KCNA2: variants seen among roughly 807,000 people sequenced by gnomAD.
KCNA2 encodes potassium channel, voltage gated shaker related subfamily A, member 2.
KCNA2 carries 11 observed loss-of-function variants against 33.4 expected under a neutral mutation model. That is an observed-to-expected ratio of 0.33 (90% CI 0.21 to 0.55). KCNA2 has a LOEUF of 0.55. Ranked by LOEUF, KCNA2 falls within the 20% of genes least tolerant of loss-of-function variation. The probability of loss-of-function intolerance (pLI) is 0.93; values close to 1 mark genes in which losing one functional copy is unlikely to be tolerated. For missense variants in KCNA2, 291 were observed against 621.6 expected (o/e 0.47, Z 5.66); for synonymous variants, 222 against 231.3 (o/e 0.96, Z 0.37).
Position 110,598,578 on chromosome 1 carries a change from C to A in KCNA2, c.*4705G>T. On this transcript the variant is annotated 3_prime_UTR_variant, in exon 3 of 3. Coordinates refer to ENST00000316361, the MANE Select transcript of KCNA2 (RefSeq NM_004974.4). Reference sequence around the variant, plus strand: ...AGTCCTGGGCCCTCCCAACACGGAGCAGCAACATGAACACCCAGGCTGGGG... The same window carrying A: ...AGTCCTGGGCCCTCCCAACACGGAGAAGCAACATGAACACCCAGGCTGGGG... 10 of 985,406 alleles carry A rather than the reference C, an allele frequency of 1.0e-5. No individual in the cohort carries two copies. Among genetic ancestry groups the A allele is most frequent in the Non-Finnish European group, 1.2e-5 (10 of 829,972 alleles). 61.0% of individuals were successfully genotyped at this position (985,406 alleles called of 1,614,324 possible).
rs553325855 is a variant in KCNA2 at position 110,611,415 on chromosome 1, C to T, written c.-495-5693G>A. ...ATGAGCTGCTACACACTCATCCCAC[C>T]GCAATACTGGCTAAATAAAAGAATA... On this transcript the variant is annotated intron_variant, in intron 1 of 4. Transcript: ENST00000369770. 6.6e-5 allele frequency among the ~76,000 whole-genome samples: 10 copies of T among 152,304 alleles called. No homozygotes were observed. The East Asian group carries it at 7.7e-4, about 12-fold the overall frequency.
At chr1:110,608,638 A>G (rs1473491153), upstream of KCNA2, among the ~76,000 whole-genome samples, 1 of 152,190 alleles carries the variant, frequency 6.6e-6, no homozygotes, top group Non-Finnish European at 1.5e-5. Context: ...CCGTGGGCCC[A>G]AAGGATGACA....
In KCNA2 at chr1:110,604,816, C is replaced by T. The variant is rs1649527374; in HGVS notation, c.-34G>A. 6.4e-7 allele frequency: 1 copy of T among 1,566,978 alleles called. No homozygotes were observed. The highest frequency in any genetic ancestry group is 1.2e-5 in the South Asian group (1 of 83,428). On this transcript the variant is annotated 5_prime_UTR_variant, in exon 3 of 3. Coordinates refer to ENST00000316361, the MANE Select transcript of KCNA2 (RefSeq NM_004974.4). This position sits in a 1 kb window ranked among gnomAD's most constrained non-coding sequence, Gnocchi z 7.6. ...CTGAGAGAAGCACCTCACGCTATGCCTTTCAGCTGCCTGGTGGCAGGGAGC... is the reference window on the plus strand; with the variant it reads ...CTGAGAGAAGCACCTCACGCTATGCTTTTCAGCTGCCTGGTGGCAGGGAGC...
In KCNA2 at chr1:110,600,789, C is replaced by A. The variant is rs1649304874; in HGVS notation, c.*2494G>T. 1.0e-6 allele frequency: 1 copy of A among 985,302 alleles called. No homozygotes were observed. 61.0% of individuals were successfully genotyped at this position (985,302 alleles called of 1,614,324 possible). A position where few individuals can be genotyped will look rare whatever the true frequency, so the allele number is the denominator to read the frequency against. On this transcript the variant is annotated 3_prime_UTR_variant, in exon 3 of 3. Transcript: ENST00000316361. ...AAGGAGAGGAAGAGAAGCACAGAGG[C>A]TTTGTGCTGGGCATGGGATGCCCTG... is the stretch of plus-strand genomic sequence containing the variant.
Position 110,600,180 on chromosome 1 carries a change from C to G in KCNA2, c.*3103G>C. On this transcript the variant is annotated 3_prime_UTR_variant, in exon 3 of 3. Transcript: ENST00000316361. ...TAGCTCTGGGGGCAGGGCAATGGGT[C>G]TGAGTATATGTCTGCATTTCATGTG... is the stretch of plus-strand genomic sequence containing the variant. 1.0e-6 allele frequency: 1 copy of G among 983,314 alleles called. No individual in the cohort carries two copies. Among genetic ancestry groups the G allele is most frequent in the East Asian group, 1.1e-4 (1 of 8,748 alleles). The allele number at this position is 983,314 out of a possible 1,614,324, so 60.9% of individuals were successfully genotyped here. A position where few individuals can be genotyped will look rare whatever the true frequency, so the allele number is the denominator to read the frequency against.
rs1649089152 is a variant in KCNA2 at position 110,596,154 on chromosome 1, A to C, written c.*7129T>G. The C allele has an allele frequency of 2.0e-6, 2 of 985,132 alleles. No individual in the cohort carries two copies. The highest frequency in any genetic ancestry group is 3.5e-5 in the African/African-American group (2 of 57,178). The allele number at this position is 985,132 out of a possible 1,614,324, so 61.0% of individuals were successfully genotyped here. ...AGATCTGCCTTCTAGAGAGGTCCCT[A>C]AGCAGAAAAAAAAAGAGTAGAACTG... On this transcript the variant is annotated 3_prime_UTR_variant, in exon 3 of 3. Coordinates refer to ENST00000316361, the MANE Select transcript of KCNA2 (RefSeq NM_004974.4).
chr1:110,630,900 G>A (rs1209074627), intron 1 of KCNA2, among the ~76,000 whole-genome samples: 1 of 152,160 alleles, frequency 6.6e-6, no homozygotes, highest in Non-Finnish European at 1.5e-5. Flanking sequence ...CAGGCAGCCA[G>A]CCCCGGAACC....
At position 110,596,738 on chromosome 1, in the gene KCNA2, C is replaced by G; in HGVS notation, c.*6545G>C. The G allele has an allele frequency of 1.0e-6, 1 of 985,402 alleles. No homozygotes were observed. Among genetic ancestry groups the G allele is most frequent in the South Asian group, 4.7e-5 (1 of 21,286 alleles). The allele number at this position is 985,402 out of a possible 1,614,324, so 61.0% of individuals were successfully genotyped here. ...AAAGGTTGAACCAGACATGCTTTCC[C>G]ATTCCCACTCAAATAACCAAAATTG... On this transcript the variant is annotated 3_prime_UTR_variant, in exon 3 of 3. Coordinates refer to ENST00000316361, the MANE Select transcript of KCNA2 (RefSeq NM_004974.4).
upstream of KCNA2, among the ~76,000 whole-genome samples, chr1:110,608,810 C>T (rs1316258789): frequency 1.3e-5 from 2 of 152,166 alleles, no homozygotes. Context: ...GCACCAGTGC[C>T]CTCCTCTGAA....
In KCNA2 at chr1:110,594,300, T is replaced by TAC. The variant is rs1396321873; in HGVS notation, c.*8982_*8983insGT. 6.6e-5 allele frequency: 60 copies of TAC among 906,436 alleles called. No individual in the cohort carries two copies. Among genetic ancestry groups the TAC allele is most frequent in the Admixed American group, 1.3e-4 (2 of 15,178 alleles). The allele number at this position is 906,436 out of a possible 1,614,324, so 56.1% of individuals were successfully genotyped here. A position where few individuals can be genotyped will look rare whatever the true frequency, so the allele number is the denominator to read the frequency against. Reference sequence around the variant, plus strand: ...TCCTCTCTCTCTCTCTCTCTATATATATATATACATATATATATATATGTG... The same window carrying TAC: ...TCCTCTCTCTCTCTCTCTCTATATATACATATATACATATATATATATATGTG... On this transcript the variant is annotated 3_prime_UTR_variant, in exon 3 of 3. Coordinates refer to ENST00000316361, the MANE Select transcript of KCNA2 (RefSeq NM_004974.4).
intron 1 of KCNA2, among the ~76,000 whole-genome samples, chr1:110,616,796 G>A (rs1650081250): frequency 6.6e-6 from 1 of 152,254 alleles, no homozygotes. Context: ...ATCGAGCCAA[G>A]CACTGTGGGG....
chr1:110,630,328 T>G (rs1650519427), intron 1 of KCNA2, among the ~76,000 whole-genome samples: 1 of 152,234 alleles, frequency 6.6e-6, no homozygotes, highest in South Asian at 2.1e-4. Context: ...GCCAGTGCTC[T>G]GTACTTTTTC....
At position 110,597,730 on chromosome 1, in the gene KCNA2, T is replaced by C; in HGVS notation, c.*5553A>G. On this transcript the variant is annotated 3_prime_UTR_variant, in exon 3 of 3. Transcript: ENST00000316361. ...TATCTGATAATCCAGGTACTATCTATCACTTTTCAGTCCTGAGAGCAAGAT... is the reference window on the plus strand; with the variant it reads ...TATCTGATAATCCAGGTACTATCTACCACTTTTCAGTCCTGAGAGCAAGAT... 1.0e-6 allele frequency: 1 copy of C among 985,396 alleles called. No homozygotes were observed. The highest frequency in any genetic ancestry group is 1.2e-6 in the Non-Finnish European group (1 of 829,888). 61.0% of individuals were successfully genotyped at this position (985,396 alleles called of 1,614,324 possible). A position where few individuals can be genotyped will look rare whatever the true frequency, so the allele number is the denominator to read the frequency against.
In KCNA2 at chr1:110,598,555, T is replaced by C. The variant is rs1649200356; in HGVS notation, c.*4728A>G. 2 of 985,216 alleles carry C rather than the reference T, an allele frequency of 2.0e-6. No homozygotes were observed. The allele number at this position is 985,216 out of a possible 1,614,324, so 61.0% of individuals were successfully genotyped here. A position where few individuals can be genotyped will look rare whatever the true frequency, so the allele number is the denominator to read the frequency against. On this transcript the variant is annotated 3_prime_UTR_variant, in exon 3 of 3. Coordinates refer to ENST00000316361, the MANE Select transcript of KCNA2 (RefSeq NM_004974.4). Reference sequence around the variant, plus strand: ...AGGAAGAATAGGTAGAACAAGCTAGTCCTGGGCCCTCCCAACACGGAGCAG... The same window carrying C: ...AGGAAGAATAGGTAGAACAAGCTAGCCCTGGGCCCTCCCAACACGGAGCAG...
rs567048531 is a variant in KCNA2 at position 110,626,177 on chromosome 1, T to C, written c.-496+5218A>G. On this transcript the variant is annotated intron_variant, in intron 1 of 4. Coordinates refer to the KCNA2 transcript ENST00000369770. The stretch of plus-strand genomic sequence containing the variant: ...TCATTCATTGCTGCATGATCTGTAA[T>C]AGTAAAAGACTGGAAACAGCCCAAG... 2.0e-5 allele frequency among the ~76,000 whole-genome samples: 3 copies of C among 152,326 alleles called. No homozygotes were observed. The East Asian group carries it at 5.8e-4, about 29-fold the overall frequency.
At chr1:110,628,730 A>G (rs1339817111) in intron 1 of KCNA2, among the ~76,000 whole-genome samples, 2 of 152,236 alleles carry the variant, frequency 1.3e-5, no homozygotes, top group Non-Finnish European at 1.5e-5. Context: ...GCCCCACTGC[A>G]GTGCTTCTTT....
At chr1:110,613,024 A>T (rs67306706) in intron 1 of KCNA2, among the ~76,000 whole-genome samples, 2 of 152,078 alleles carry the variant, frequency 1.3e-5, no homozygotes, top group South Asian at 2.1e-4. Flanking sequence ...GCTTGCTCTG[A>T]GGATTAAATG....
chr1:110,620,274 G>A (rs1352891519), intron 1 of KCNA2, among the ~76,000 whole-genome samples: 1 of 152,114 alleles, frequency 6.6e-6, no homozygotes, highest in East Asian at 1.9e-4. Flanking sequence ...TGTAGACAGT[G>A]TCTTAGAGAT....
In KCNA2 at chr1:110,603,638, G is replaced by A. The variant is rs777008812; in HGVS notation, c.1145C>T (p.Pro382Leu). 1 of 1,614,060 alleles carries A rather than the reference G, an allele frequency of 6.2e-7. No homozygotes were observed. Among genetic ancestry groups the A allele is most frequent in the Non-Finnish European group, 8.5e-7 (1 of 1,180,028 alleles). The change falls in exon 3 of 3, where the codon CCG (proline) becomes CTG (leucine). Residue 382 changes from proline (P) to leucine (L), a missense_variant. Physicochemically the swap from Pro to Leu is moderately conservative, Grantham distance 98. Coordinates refer to ENST00000316361, the MANE Select transcript of KCNA2 (RefSeq NM_004974.4). This position sits in a 1 kb window ranked among gnomAD's most constrained non-coding sequence, Gnocchi z 5.7. ...MTTVGYGDMV[P>L]TTIGGKIVGS... ...CACTATCTTTCCCCCAATGGTAGTC[G>A]GAACCATGTCTCCATAGCCTACAGT...
Sources: allele counts gnomAD v4.1 joint callset (sites outside exome capture counted in the v4.1 genomes callset), GRCh38; gene constraint gnomAD v4.1.1; non-coding constraint Gnocchi (gnomAD v3.1); transcripts MANE v1.5; gene names NCBI Gene and HGNC (gene_info 2026-07-23, HGNC 2026-07-21).